Variants in ROBO1 observed in about 807,000 individuals in gnomAD.
The protein encoded by ROBO1 is roundabout homolog 1.
A neutral mutation model predicts 195.9 loss-of-function variants in ROBO1; 149 were observed. The observed-to-expected ratio is 0.76, with a 90% CI of 0.67 to 0.87. ROBO1 has a LOEUF of 0.87. Ranked by LOEUF, ROBO1 falls within the 40% of genes least tolerant of loss-of-function variation. ROBO1 has a pLI of 0.00. For synonymous variants in ROBO1, 816 were observed against 733.2 expected, an observed-to-expected ratio of 1.11 and a Z score of -1.82; for missense variants, 1,933 against 2,068.3, an observed-to-expected ratio of 0.93 and a Z score of 1.27.
chr3:78,656,621 G>A (rs567988775), intron 18 of ROBO1, among the ~76,000 whole-genome samples: 1 of 152,198 alleles, frequency 6.6e-6, no homozygotes, highest in South Asian at 2.1e-4. Flanking sequence ...AGAGTGTTGG[G>A]ATTACAGGCA....
At chr3:78,627,292 G>T in intron 26 of ROBO1, 29 bp downstream of exon 26, 2 of 1,598,552 alleles carry the variant, frequency 1.3e-6, no homozygotes, top group Non-Finnish European at 1.7e-6. Context: ...TATCTGATTT[G>T]TTAGCAAAGA....
chr3:78,795,668 A>T (rs923235436), intron 4 of ROBO1, among the ~76,000 whole-genome samples: 2 of 152,132 alleles, frequency 1.3e-5, no homozygotes, highest in Non-Finnish European at 2.9e-5. Flanking sequence ...CCTGAACCAA[A>T]AAAGAAGAAA....
intron 1 of ROBO1, among the ~76,000 whole-genome samples, chr3:79,748,420 C>T (rs1169764397): frequency 3.3e-5 from 5 of 152,124 alleles, no homozygotes; most frequent in Non-Finnish European, 5.9e-5. Flanking sequence ...CATCTGTAGT[C>T]TTTACATGTG....
intron 1 of ROBO1, among the ~76,000 whole-genome samples, chr3:79,621,743 C>G (rs1945015274): frequency 6.6e-6 from 1 of 152,066 alleles, no homozygotes; most frequent in Non-Finnish European, 1.5e-5. Flanking sequence ...TAGACCACTG[C>G]TATAAGATAT....
rs1559910966 is a variant in ROBO1 at position 79,454,130 on chromosome 3, C to CT, written c.88+135693_88+135694insA. Among the ~76,000 whole-genome samples the CT allele has an allele frequency of 2.8e-4, 35 of 124,470 alleles. No homozygotes were observed. The East Asian group carries it at 0.01, about 37-fold the overall frequency. 81.7% of individuals were successfully genotyped at this position (124,470 alleles called of 152,430 possible). On this transcript the variant is annotated intron_variant, in intron 2 of 30. Coordinates refer to ENST00000464233, the MANE Select transcript of ROBO1 (RefSeq NM_002941.4). ...AAGTTCTAGATTAATTAATTTCATT[C>CT]CTTTTTTTTTTTTTTCTCCAAAACA...
intron 4 of ROBO1, among the ~76,000 whole-genome samples, chr3:78,833,748 T>C (rs569110464): frequency 2.0e-5 from 3 of 152,236 alleles, no homozygotes; most frequent in African/African-American, 7.2e-5. Flanking sequence ...AAGGTGGAAA[T>C]GACCAATAAG....
At chr3:78,724,726 A>G (rs73109772) in intron 5 of ROBO1, among the ~76,000 whole-genome samples, 29,895 of 151,958 alleles carry the variant, frequency 0.2, 3,176 homozygotes, top group Non-Finnish European at 0.23. Context: ...ATGTTGAGTC[A>G]TATAAAAATA....
chr3:79,729,121 TG>T (rs1294829661), intron 1 of ROBO1, among the ~76,000 whole-genome samples: 2 of 152,214 alleles, frequency 1.3e-5, no homozygotes, highest in Non-Finnish European at 2.9e-5. Flanking sequence ...TAATGTTCCT[TG>T]GTTTGAATAT....
In ROBO1 at chr3:78,617,662, C is replaced by T; in HGVS notation, c.4255G>A (p.Ala1419Thr). Residue 1419 changes from alanine to threonine, a missense_variant, in exon 27 of 31, where the codon GCA becomes ACA. By Grantham distance (58) the Ala-to-Thr change is moderately conservative. Around this residue, in one of 3 missense-constraint regions of ROBO1, gnomAD observed 1,737 missense variants for 1,882.5 expected, o/e 0.92. Transcript: ENST00000464233. ...GCAGCATCCTGCATTTGCCGTCGTG[C>T]TACTTTCAGACCAGCATACTCTGCC... Reference protein sequence around the residue: ...AAAEYAGLKVARRQMQDAAGR... With the variant: ...AAAEYAGLKVTRRQMQDAAGR... 6.2e-7 allele frequency: 1 copy of T among 1,613,036 alleles called. No homozygotes were observed. Among genetic ancestry groups the T allele is most frequent in the South Asian group, 1.1e-5 (1 of 90,980 alleles).
At chr3:78,905,026 T>C (rs34439138) in intron 4 of ROBO1, among the ~76,000 whole-genome samples, 67,576 of 151,410 alleles carry the variant, frequency 0.45, 17,211 homozygotes, top group African/African-American at 0.72. Flanking sequence ...GTCATATTTA[T>C]TATGGGGTCT....
At chr3:79,499,281 C>T (rs1161777933) in intron 2 of ROBO1, among the ~76,000 whole-genome samples, 1 of 152,154 alleles carries the variant, frequency 6.6e-6, no homozygotes, top group Non-Finnish European at 1.5e-5. Context: ...AGCCTTGAGC[C>T]ACCGCGCCCG....
At chr3:79,299,743 G>A (rs1228808051) in intron 2 of ROBO1, among the ~76,000 whole-genome samples, 1 of 151,692 alleles carries the variant, frequency 6.6e-6, no homozygotes, top group Admixed American at 6.6e-5. Context: ...CCATCGAAAA[G>A]TTGAAGGGAG....
At chr3:79,011,438 C>T (rs1294903753) in intron 3 of ROBO1, among the ~76,000 whole-genome samples, 1 of 152,192 alleles carries the variant, frequency 6.6e-6, no homozygotes, top group East Asian at 1.9e-4. Context: ...CTTAGTGTAT[C>T]TCATTAGCAC....
intron 2 of ROBO1, among the ~76,000 whole-genome samples, chr3:79,272,863 G>T (rs887018987): frequency 6.6e-6 from 1 of 151,954 alleles, no homozygotes; most frequent in African/African-American, 2.4e-5. Context: ...AGCAACAAGA[G>T]AAAAGAAACA....
intron 4 of ROBO1, among the ~76,000 whole-genome samples, chr3:78,923,180 T>C (rs1027415495): frequency 4.6e-5 from 7 of 152,130 alleles, no homozygotes; most frequent in African/African-American, 1.7e-4. Flanking sequence ...GAAAATCAGC[T>C]TCAAGAGTTA....
chr3:79,619,168 C>T (rs567627278), intron 1 of ROBO1, among the ~76,000 whole-genome samples: 1 of 152,304 alleles, frequency 6.6e-6, no homozygotes, highest in Non-Finnish European at 1.5e-5. Flanking sequence ...GGGATGCCTG[C>T]CTTGGTCATT....
At chr3:79,337,001 A>C (rs898203092) in intron 2 of ROBO1, among the ~76,000 whole-genome samples, 5 of 152,208 alleles carry the variant, frequency 3.3e-5, no homozygotes, top group African/African-American at 1.2e-4. Context: ...CATGGGGCCT[A>C]TAGCCCCTTT....
At chr3:79,290,114 C>T (rs1359482117) in intron 2 of ROBO1, among the ~76,000 whole-genome samples, 1 of 152,180 alleles carries the variant, frequency 6.6e-6, no homozygotes, top group African/African-American at 2.4e-5. Context: ...TCTCAGCTCA[C>T]TGCAAGCTCC....
intron 2 of ROBO1, among the ~76,000 whole-genome samples, chr3:79,389,709 G>A (rs1344754866): frequency 6.6e-6 from 1 of 152,038 alleles, no homozygotes; most frequent in Non-Finnish European, 1.5e-5. Flanking sequence ...CTGGATAGAG[G>A]AAAGAGCAAA....
Sources: gnomAD v4.1 joint callset for allele counts (sites outside exome capture counted in the v4.1 genomes callset) on GRCh38, gnomAD v4.1.1 for gene constraint, gnomAD v4.1.1 regional missense constraint, MANE v1.5 for transcripts, NCBI Gene and HGNC (gene_info 2026-07-23, HGNC 2026-07-21) for gene names.